CBLN2: variants seen among roughly 807,000 people sequenced by gnomAD.
The protein encoded by CBLN2 is cerebellin 2 precursor, also known as cerebellin-2.
In CBLN2, 7 loss-of-function variants were observed where a neutral mutation model predicts 15.0. The ratio of observed to expected loss-of-function variants is 0.47; its 90% confidence interval spans 0.27 to 0.88. The LOEUF (loss-of-function observed/expected upper bound fraction) is 0.88, where lower values mean the gene tolerates loss of function less well. Among genes scored for constraint, CBLN2 ranks in the 40% least tolerant of loss-of-function variants. The pLI, the probability that CBLN2 is intolerant of heterozygous loss-of-function variation, is 0.14. For synonymous variants in CBLN2, 149 were observed against 135.2 expected (o/e 1.10, Z -0.71); for missense variants, 242 against 304.5 (o/e 0.79, Z 1.53).
At chr18:72,610,753 AT>A (rs1468096334) in intron 1 of CBLN2, among the ~76,000 whole-genome samples, 1 of 152,190 alleles carries the variant, frequency 6.6e-6, no homozygotes, top group Admixed American at 6.5e-5. Flanking sequence ...TAAAAATAGA[AT>A]TTAACACTTT....
intron 1 of CBLN2, among the ~76,000 whole-genome samples, chr18:72,580,508 G>A (rs1332777488): frequency 1.3e-5 from 2 of 151,996 alleles, no homozygotes; most frequent in African/African-American, 4.8e-5. Context: ...TTCATTGTTT[G>A]CCTTTTCACC....
chr18:72,609,976 C>A (rs2052986523), intron 1 of CBLN2, among the ~76,000 whole-genome samples: 1 of 152,168 alleles, frequency 6.6e-6, no homozygotes, highest in Non-Finnish European at 1.5e-5. Context: ...CGCTGCCATC[C>A]TGTGTGTACA....
intron 1 of CBLN2, among the ~76,000 whole-genome samples, chr18:72,637,516 C>G (rs931861627): frequency 6.6e-6 from 1 of 152,154 alleles, no homozygotes; most frequent in Admixed American, 6.5e-5. Flanking sequence ...GCGACAGCAG[C>G]GTGCTCCATG....
At chr18:72,627,103 C>T (rs1027280068) in intron 1 of CBLN2, among the ~76,000 whole-genome samples, 3 of 152,050 alleles carry the variant, frequency 2.0e-5, no homozygotes, top group Non-Finnish European at 2.9e-5. Context: ...TGTAAAAACA[C>T]AGAATATTAA....
chr18:72,603,732 C>T (rs2144945671), intron 1 of CBLN2, among the ~76,000 whole-genome samples: 1 of 152,310 alleles, frequency 6.6e-6, no homozygotes, highest in East Asian at 1.9e-4. Context: ...ATCCCAAATG[C>T]TCTATCCAGT....
At chr18:72,603,432 C>G (rs1158771609) in intron 1 of CBLN2, among the ~76,000 whole-genome samples, 2 of 151,974 alleles carry the variant, frequency 1.3e-5, no homozygotes, top group African/African-American at 4.8e-5. Flanking sequence ...AAATAGGCAG[C>G]ATAGTGGAGA....
chr18:72,615,197 T>C (rs113015960), intron 1 of CBLN2, among the ~76,000 whole-genome samples: 15 of 135,968 alleles, frequency 1.1e-4, no homozygotes, highest in African/African-American at 4.1e-4. Context: ...TATATAAATA[T>C]ATATTTATAT....
At chr18:72,560,760 G>A (rs1325738688) in intron 1 of CBLN2, among the ~76,000 whole-genome samples, 2 of 152,198 alleles carry the variant, frequency 1.3e-5, no homozygotes, top group African/African-American at 2.4e-5. Flanking sequence ...TGTAATCCCA[G>A]CACTTTGGGA....
chr18:72,544,861 G>A (rs1232023436), upstream of CBLN2, among the ~76,000 whole-genome samples: 1 of 150,394 alleles, frequency 6.6e-6, no homozygotes, highest in African/African-American at 2.5e-5. Context: ...GTTTATGCTG[G>A]TCTAAAAAAC....
chr18:72,585,243 C>T (rs777243895), intron 1 of CBLN2, among the ~76,000 whole-genome samples: 2 of 152,192 alleles, frequency 1.3e-5, no homozygotes, highest in Non-Finnish European at 2.9e-5. Flanking sequence ...TGGAGGTGGA[C>T]ATGTTTCAGA....
chr18:72,605,289 A>G (rs2069576060), intron 1 of CBLN2, among the ~76,000 whole-genome samples: 3 of 152,184 alleles, frequency 2.0e-5, no homozygotes, highest in South Asian at 4.1e-4. Flanking sequence ...TTATGACTCT[A>G]CATGCTCTTC....
At chr18:72,563,513 C>A (rs768363155) in intron 1 of CBLN2, among the ~76,000 whole-genome samples, 4 of 151,970 alleles carry the variant, frequency 2.6e-5, no homozygotes, top group Non-Finnish European at 5.9e-5. Flanking sequence ...AGTATCTGTA[C>A]GAGAGCACTG....
chr18:72,578,430 A>G (rs1204360361), intron 1 of CBLN2, among the ~76,000 whole-genome samples: 1 of 152,198 alleles, frequency 6.6e-6, no homozygotes. Flanking sequence ...TGTGAACTGT[A>G]TGGCTTGAAG....
intron 1 of CBLN2, among the ~76,000 whole-genome samples, chr18:72,571,429 G>A (rs2069331501): frequency 6.6e-6 from 1 of 152,128 alleles, no homozygotes; most frequent in Non-Finnish European, 1.5e-5. Context: ...AAAAAAAAGC[G>A]AGAGCATTGC....
chr18:72,596,071 T>C (rs923562376), intron 1 of CBLN2, among the ~76,000 whole-genome samples: 10 of 152,144 alleles, frequency 6.6e-5, no homozygotes, highest in African/African-American at 1.9e-4. Context: ...GCCATTTTGT[T>C]ACTTTTTTAC....
intron 1 of CBLN2, among the ~76,000 whole-genome samples, chr18:72,585,224 C>T (rs1357169627): frequency 6.6e-6 from 1 of 152,214 alleles, no homozygotes; most frequent in Non-Finnish European, 1.5e-5. Flanking sequence ...TCACCCACAA[C>T]ATGGTGAGTG....
intron 1 of CBLN2, among the ~76,000 whole-genome samples, chr18:72,599,872 C>G (rs1178959800): frequency 2.0e-5 from 3 of 152,218 alleles, no homozygotes; most frequent in African/African-American, 7.2e-5. Flanking sequence ...TGAGAGTTAC[C>G]TCCTCAGTGT....
At position 72,538,123 on chromosome 18, in the gene CBLN2, G is replaced by C; in HGVS notation, c.*53C>G. ...CAGTAAGTTCAGGGTGTTTTAAAGG[G>C]CGGAGTCCTGGGTCCAGTTTGCCAT... On this transcript the variant is annotated 3_prime_UTR_variant, in exon 5 of 5. Coordinates refer to ENST00000269503, the MANE Select transcript of CBLN2 (RefSeq NM_182511.4). 1.3e-6 allele frequency: 2 copies of C among 1,581,104 alleles called. No homozygotes were observed. Among genetic ancestry groups the C allele is most frequent in the Non-Finnish European group, 1.7e-6 (2 of 1,150,568 alleles).
upstream of CBLN2, among the ~76,000 whole-genome samples, chr18:72,546,441 C>CAAA (rs774107488): frequency 2.5e-5 from 3 of 120,744 alleles, no homozygotes; most frequent in Admixed American, 8.5e-5. Flanking sequence ...CGCTCTCTCT[C>CAAA]AAAAAAAAAA....
Sources: gnomAD v4.1 joint callset for allele counts (sites outside exome capture counted in the v4.1 genomes callset) on GRCh38, gnomAD v4.1.1 for gene constraint, MANE v1.5 for transcripts, NCBI Gene and HGNC (gene_info 2026-07-23, HGNC 2026-07-21) for gene names.